Variants in USP42 observed in about 807,000 individuals in gnomAD.
The protein encoded by USP42 is ubiquitin specific peptidase 42.
A neutral mutation model predicts 113.0 loss-of-function variants in USP42; 23 were observed. That is an observed-to-expected ratio of 0.20 (90% CI 0.15 to 0.29). The LOEUF (loss-of-function observed/expected upper bound fraction) is 0.29. Ranked by LOEUF, USP42 falls within the 10% of genes least tolerant of loss-of-function variation. USP42 has a pLI of 1.00. For missense variants in USP42, 2,174 were observed against 1,779.8 expected (o/e 1.22, Z -3.99); for synonymous variants, 933 against 699.0 (o/e 1.33, Z -5.28).
upstream of USP42, among the ~76,000 whole-genome samples, chr7:6,101,062 C>T (rs1260674558): frequency 1.3e-5 from 2 of 150,534 alleles, no homozygotes; most frequent in Admixed American, 1.3e-4. Context: ...TTGAGGGGAG[C>T]GCTCTAGGGA....
In USP42 at chr7:6,150,153, G is replaced by T; in HGVS notation, c.1957G>T (p.Glu653Ter). The T allele has an allele frequency of 6.2e-7, 1 of 1,613,864 alleles. No homozygotes were observed. Among genetic ancestry groups the T allele is most frequent in the South Asian group, 1.1e-5 (1 of 91,062 alleles). Reference sequence around the variant, plus strand: ...GGAGGCCACTCCGCACGAGCTTCAAGAACCCATGACCCTAAACGGTGCTAA... The same window carrying T: ...GGAGGCCACTCCGCACGAGCTTCAATAACCCATGACCCTAAACGGTGCTAA... ...DEEATPHELQ[E>*]PMTLNGANSA... The change falls in exon 13 of 18, where the codon GAA (glutamate) becomes TAA (stop). Residue 653 changes from glutamate (E) to a stop codon, truncating the protein, a stop_gained. Coordinates refer to ENST00000306177, the MANE Select transcript of USP42 (RefSeq NM_032172.3). LOFTEE classifies it high-confidence loss of function.
chr7:6,114,986 G>T (rs1019609185), intron 2 of USP42, among the ~76,000 whole-genome samples: 1 of 151,850 alleles, frequency 6.6e-6, no homozygotes, highest in South Asian at 2.1e-4. Flanking sequence ...CACTGTGCCC[G>T]GCCCTATATA....
chr7:6,107,489 A>C (rs1779356309), intron 1 of USP42, among the ~76,000 whole-genome samples: 1 of 148,840 alleles, frequency 6.7e-6, no homozygotes, highest in South Asian at 2.1e-4. Context: ...GGCTCACCAC[A>C]ACCTCTGCCT....
At position 6,160,572 on chromosome 7, in the gene USP42, G is replaced by A. The variant is rs1431249487; in HGVS notation, c.*54G>A. ...TCTTTCAGATTCAACGCGTTCAACA[G>A]AAGCCATCCCCAGCCCAGCTTAAAT... On this transcript the variant is annotated 3_prime_UTR_variant, in exon 18 of 18. Transcript: ENST00000306177. 6.6e-6 allele frequency: 1 copy of A among 152,670 alleles called. No individual in the cohort carries two copies. Among genetic ancestry groups the A allele is most frequent in the African/African-American group, 2.4e-5 (1 of 41,462 alleles). The allele number at this position is 152,670 out of a possible 1,614,324, so 9.5% of individuals were successfully genotyped here.
chr7:6,120,103 T>C (rs1780135673), intron 3 of USP42, among the ~76,000 whole-genome samples: 1 of 152,212 alleles, frequency 6.6e-6, no homozygotes, highest in Non-Finnish European at 1.5e-5. Flanking sequence ...TGGTTGGGAC[T>C]ACAGGTGCCT....
rs904300867 is a variant in USP42 at position 6,124,776 on chromosome 7, A to T, written c.442+9253A>T. ...AAATCTTTTTCCTGCCTTCTTTTGG[A>T]TTGATATATGATTTTATTTAATCTG... On this transcript the variant is annotated intron_variant, in intron 3 of 17. Transcript: ENST00000306177. Among the ~76,000 whole-genome samples, 3 of 150,136 alleles carry T rather than the reference A, an allele frequency of 2.0e-5. No homozygotes were observed. The South Asian group carries it at 6.4e-4, about 32-fold the overall frequency.
chr7:6,156,999 A>C lies in USP42; in HGVS notation c.3887A>C (p.Lys1296Thr), dbSNP rs771201994. 6.2e-7 allele frequency: 1 copy of C among 1,613,566 alleles called. No homozygotes were observed. The highest frequency in any genetic ancestry group is 8.5e-7 in the Non-Finnish European group (1 of 1,179,742). ...EGVGPFREKT[K>T]HLRMESRDDR... Reference sequence around the variant, plus strand: ...GTCGGACCTTTCCGTGAGAAAACGAAACACTTACGGATGGAAAGCAGGGAT... The same window carrying C: ...GTCGGACCTTTCCGTGAGAAAACGACACACTTACGGATGGAAAGCAGGGAT... Residue 1296 changes from lysine to threonine, a missense_variant, in exon 16 of 18, where the codon AAA becomes ACA. Physicochemically the swap from Lys to Thr is moderately conservative, Grantham distance 78. Transcript: ENST00000306177.
At chr7:6,136,004 T>TC (rs1781124311) in intron 4 of USP42, 53 bp downstream of exon 4, 1 of 494,248 alleles carries the variant, frequency 2.0e-6, no homozygotes, top group Non-Finnish European at 2.7e-6. Flanking sequence ...TAGTTATACT[T>TC]TTTTTTTTTT....
In USP42 at chr7:6,154,267, G is replaced by T. The variant is rs777378198; in HGVS notation, c.2713G>T (p.Asp905Tyr). 1.2e-6 allele frequency: 2 copies of T among 1,602,136 alleles called. No individual in the cohort carries two copies. The highest frequency in any genetic ancestry group is 8.5e-7 in the Non-Finnish European group (1 of 1,175,586). ...AGAGCGGCCGCCAGCTCCTGTGCTG[G>T]ACATGGCCCCGGCCGGTCACCCGGA... ...AAERPPAPVL[D>Y]MAPAGHPEGD... Residue 905 changes from aspartate to tyrosine, a missense_variant, in exon 15 of 18, where the codon GAC becomes TAC. Transcript: ENST00000306177.
intron 4 of USP42, among the ~76,000 whole-genome samples, chr7:6,138,192 A>G (rs1270863115): frequency 6.6e-6 from 1 of 152,174 alleles, no homozygotes. Context: ...ATTCATACAC[A>G]TGTAAAATTC....
chr7:6,149,975 G>A lies in USP42; in HGVS notation c.1779G>A (p.Met593Ile). 2 of 1,613,872 alleles carry A rather than the reference G, an allele frequency of 1.2e-6. No individual in the cohort carries two copies. The highest frequency in any genetic ancestry group is 1.7e-6 in the Non-Finnish European group (2 of 1,179,822). Residue 593 changes from methionine (M) to isoleucine (I), a missense_variant, in exon 13 of 18, where the codon ATG becomes ATA. Met to Ile is a conservative substitution (Grantham distance 10, BLOSUM62 1). Transcript: ENST00000306177. ...PRSESCSQPV[M>I]NGKSKLNSSV... The stretch of plus-strand genomic sequence containing the variant: ...GTGAATCCTGCTCCCAGCCCGTGAT[G>A]AATGGCAAATCCAAGCTGAACTCCA...
At chr7:6,113,652 C>T (rs934640381) in intron 2 of USP42, among the ~76,000 whole-genome samples, 4 of 151,734 alleles carry the variant, frequency 2.6e-5, no homozygotes, top group South Asian at 2.1e-4. Context: ...GACGAAGTCT[C>T]TCTCTGTCGC....
At chr7:6,150,647 G>A (rs558871135) in intron 14 of USP42, 141 bp downstream of exon 14, 1 of 825,738 alleles carries the variant, frequency 1.2e-6, no homozygotes, top group African/African-American at 1.7e-5. Context: ...ATAATGTATA[G>A]GATTTATTAA....
chr7:6,158,827 G>A lies in USP42; in HGVS notation c.3944-623G>A, dbSNP rs1458317761. ...GTGGTGCAGGCTCCCAGGATCATGG[G>A]CTTCCAGCTGGGGCTACTGGGAGAC... is the stretch of plus-strand genomic sequence containing the variant. On this transcript the variant is annotated intron_variant, in intron 16 of 17. Transcript: ENST00000306177. This position sits in a 1 kb window ranked among gnomAD's most constrained non-coding sequence, Gnocchi z 4.2. 6.6e-6 allele frequency among the ~76,000 whole-genome samples: 1 copy of A among 152,154 alleles called. No individual in the cohort carries two copies. The highest frequency in any genetic ancestry group is 1.5e-5 in the Non-Finnish European group (1 of 68,030).
chr7:6,097,903 TTTTC>T, the USP42 span, among the ~76,000 whole-genome samples: 8 of 95,426 alleles, frequency 8.4e-5, no homozygotes, highest in Non-Finnish European at 1.5e-4. Flanking sequence ...TTTTTCTTTC[TTTTC>T]TTTTTTTTTT....
chr7:6,112,747 C>T (rs1450637706), intron 2 of USP42, among the ~76,000 whole-genome samples: 1 of 151,884 alleles, frequency 6.6e-6, no homozygotes, highest in Non-Finnish European at 1.5e-5. Flanking sequence ...TTTTTAAGCT[C>T]ATTAGCTGTC....
the USP42 span, among the ~76,000 whole-genome samples, chr7:6,091,768 G>A: frequency 7.4e-5 from 11 of 149,342 alleles, no homozygotes; most frequent in African/African-American, 1.3e-4. Flanking sequence ...TGGAGACAGT[G>A]GGGGATGGGG....
intron 3 of USP42, chr7:6,116,644 A>G (rs1779927406): frequency 2.5e-6 from 1 of 403,226 alleles, no homozygotes; most frequent in South Asian, 1.9e-5. Context: ...TTTCCCTCCA[A>G]AGAGCCAAGT....
chr7:6,111,065 G>A, intron 1 of USP42, 60 bp from the exon 2 acceptor site: 1 of 1,521,584 alleles, frequency 6.6e-7, no homozygotes, highest in African/African-American at 1.4e-5. Context: ...TCTAACGGTA[G>A]GGTAAGGAGA....
Sources: allele counts gnomAD v4.1 joint callset (sites outside exome capture counted in the v4.1 genomes callset), GRCh38; gene constraint gnomAD v4.1.1; non-coding constraint Gnocchi (gnomAD v3.1); transcripts MANE v1.5; gene names NCBI Gene and HGNC (gene_info 2026-07-23, HGNC 2026-07-21).